Variants in NAV2 observed in about 807,000 individuals in gnomAD.
NAV2 encodes the protein helicase, APC down-regulated 1.
A neutral mutation model predicts 223.2 loss-of-function variants in NAV2; 54 were observed. The ratio of observed to expected loss-of-function variants is 0.24; its 90% CI spans 0.19 to 0.30. The LOEUF is 0.30. Ranked by LOEUF, NAV2 falls within the 10% of genes least tolerant of loss-of-function variation. The pLI, the probability that NAV2 is intolerant of heterozygous loss-of-function variation, is 1.00. For synonymous variants in NAV2, 1,279 were observed against 1,239.3 expected (o/e 1.03, Z -0.67); for missense variants, 2,806 against 3,147.5 (o/e 0.89, Z 2.60).
At position 19,420,057 on chromosome 11, in the gene NAV2, G is replaced by A. The variant is rs117583986; in HGVS notation, c.75+69030G>A. On this transcript the variant is annotated intron_variant, in intron 1 of 37. Transcript: ENST00000360655. The stretch of plus-strand genomic sequence containing the variant: ...GAGGTCCTCTGAGTCAGTCTACTAC[G>A]CCCACGTTACTGTCTTTAAAAGTTA... 5.0e-3 allele frequency among the ~76,000 whole-genome samples: 754 copies of A among 152,204 alleles called. 6 individuals carry two copies. The highest frequency in any genetic ancestry group is 7.7e-3 in the Non-Finnish European group (523 of 68,002).
intron 6 of NAV2, among the ~76,000 whole-genome samples, chr11:19,920,550 G>A (rs2044193147): frequency 6.6e-6 from 1 of 152,200 alleles, no homozygotes; most frequent in Non-Finnish European, 1.5e-5. Flanking sequence ...GCCTCCCAAA[G>A]GGCTGGGATT....
chr11:19,708,330 G>C (rs958272285), upstream of NAV2, among the ~76,000 whole-genome samples: 1 of 151,728 alleles, frequency 6.6e-6, no homozygotes, highest in African/African-American at 2.4e-5. Flanking sequence ...TTAAGGAAAA[G>C]TGCATTTTTT....
At chr11:19,893,539 C>G (rs866046809) in intron 6 of NAV2, among the ~76,000 whole-genome samples, 1 of 152,160 alleles carries the variant, frequency 6.6e-6, no homozygotes, top group Admixed American at 6.5e-5. Flanking sequence ...AGCTGGGAAC[C>G]GCCGCCATTT....
At chr11:20,082,706 G>T in intron 25 of NAV2, 1 of 1,179,838 alleles carries the variant, frequency 8.5e-7, no homozygotes, top group Non-Finnish European at 1.3e-6. Context: ...CTTTGTTGCT[G>T]TGTAACCTCA....
intron 1 of NAV2, among the ~76,000 whole-genome samples, chr11:19,495,665 G>T (rs1043392601): frequency 6.6e-6 from 1 of 152,214 alleles, no homozygotes; most frequent in Admixed American, 6.5e-5. Context: ...CTCTTATAAA[G>T]CCTAAATGCA....
chr11:19,787,801 G>A lies in NAV2; in HGVS notation c.268-44683G>A, dbSNP rs540075868. Among the ~76,000 whole-genome samples the A allele has an allele frequency of 9.2e-5, 14 of 152,282 alleles. No individual in the cohort carries two copies. The Middle Eastern group carries it at 0.01, about 111-fold the overall frequency. On this transcript the variant is annotated intron_variant, in intron 1 of 37. Coordinates refer to ENST00000349880, the MANE Select transcript of NAV2 (RefSeq NM_145117.5). Reference sequence around the variant, plus strand: ...AAAGAATAGGCAAAATTTAGAGTGGGAGAAAGGGAGGGTCATAAATAAGGT... The same window carrying A: ...AAAGAATAGGCAAAATTTAGAGTGGAAGAAAGGGAGGGTCATAAATAAGGT...
At chr11:20,006,607 G>A (rs192171095) in intron 11 of NAV2, among the ~76,000 whole-genome samples, 1,704 of 152,142 alleles carry the variant, frequency 0.011, 27 homozygotes, top group South Asian at 0.052. Flanking sequence ...CCCGGGAGGC[G>A]GAGGTTGCAG....
intron 10 of NAV2, among the ~76,000 whole-genome samples, chr11:19,965,108 T>C (rs2048660145): frequency 6.6e-6 from 1 of 151,996 alleles, no homozygotes; most frequent in Non-Finnish European, 1.5e-5. Flanking sequence ...TGTGAGCCAC[T>C]GGACCCAGCC....
At chr11:20,059,196 TTTCA>T (rs1191135251) in intron 19 of NAV2, among the ~76,000 whole-genome samples, 2 of 152,294 alleles carry the variant, frequency 1.3e-5, no homozygotes, top group East Asian at 3.9e-4. Context: ...CAGCACTGCA[TTTCA>T]TTCTTCTGAC....
chr11:19,655,432 T>C (rs1016015647), intron 1 of NAV2, among the ~76,000 whole-genome samples: 2 of 152,108 alleles, frequency 1.3e-5, no homozygotes, highest in African/African-American at 2.4e-5. Flanking sequence ...GCTATAAAGA[T>C]ACATGCAGAC....
chr11:19,897,157 C>T (rs1279247671), intron 6 of NAV2, among the ~76,000 whole-genome samples: 2 of 151,984 alleles, frequency 1.3e-5, no homozygotes, highest in Non-Finnish European at 2.9e-5. Flanking sequence ...ACCGCATGTT[C>T]TCACTCATAG....
intron 10 of NAV2, among the ~76,000 whole-genome samples, chr11:19,960,150 ATTTG>A (rs2048233759): frequency 6.6e-6 from 1 of 152,120 alleles, no homozygotes; most frequent in Non-Finnish European, 1.5e-5. Context: ...GGAGTCGGTT[ATTTG>A]TTCTCAAAGC....
intron 1 of NAV2, among the ~76,000 whole-genome samples, chr11:19,619,812 GT>G (rs966701804): frequency 0.013 from 2,055 of 152,282 alleles, 49 homozygotes; most frequent in African/African-American, 0.047. Context: ...TGCTTTTGGT[GT>G]TTTAGTCATG....
chr11:19,727,351 C>T (rs1229714863), intron 1 of NAV2, among the ~76,000 whole-genome samples: 1 of 152,208 alleles, frequency 6.6e-6, no homozygotes, highest in Non-Finnish European at 1.5e-5. Context: ...CAGCTATTCC[C>T]ACAGTCTGAA....
chr11:19,697,443 T>TA (rs904897573), intron 1 of NAV2, among the ~76,000 whole-genome samples: 12 of 148,850 alleles, frequency 8.1e-5, no homozygotes, highest in East Asian at 3.9e-4. Context: ...ATTTGAAATT[T>TA]AAAAAAAAAG....
rs5790093 is a variant in NAV2, at chr11:19,853,754, CTTT to C, written c.438+10843_438+10845del. ...CTTCCAGCTCACTTAACCTCTGTAA[CTTT>C]TTTTTTTTTTTCCACTGAACGTCTG... On this transcript the variant is annotated intron_variant, in intron 3 of 37. Coordinates refer to ENST00000349880, the MANE Select transcript of NAV2 (RefSeq NM_145117.5). Among the ~76,000 whole-genome samples the C allele has an allele frequency of 6.1e-4, 91 of 149,016 alleles. 1 individual carries two copies. The highest frequency in any genetic ancestry group is 3.5e-3 in the Middle Eastern group (1 of 284).
At chr11:19,683,979 A>AT (rs1342005720) in intron 1 of NAV2, among the ~76,000 whole-genome samples, 2 of 152,196 alleles carry the variant, frequency 1.3e-5, no homozygotes, top group African/African-American at 2.4e-5. Flanking sequence ...TAGATGTAGC[A>AT]TTTTTTAATT....
chr11:19,891,014 G>A (rs1294747529), intron 5 of NAV2, among the ~76,000 whole-genome samples: 1 of 152,164 alleles, frequency 6.6e-6, no homozygotes, highest in Non-Finnish European at 1.5e-5. Context: ...TCAGGGAATT[G>A]GGCCAGCTTC....
At chr11:19,653,001 G>C (rs866128215) in intron 1 of NAV2, among the ~76,000 whole-genome samples, 3 of 152,054 alleles carry the variant, frequency 2.0e-5, no homozygotes, top group Admixed American at 1.3e-4. Context: ...CAAAGCTCTA[G>C]GGAAGGCAGA....
Sources: allele counts gnomAD v4.1 joint callset (sites outside exome capture counted in the v4.1 genomes callset), GRCh38; gene constraint gnomAD v4.1.1; transcripts MANE v1.5; gene names NCBI Gene and HGNC (gene_info 2026-07-23, HGNC 2026-07-21).